DTWD2: variants seen among roughly 807,000 people sequenced by gnomAD.
DTWD2 encodes DTW motif tRNA-uridine aminocarboxypropyltransferase 2.
DTWD2 carries 39 observed loss-of-function variants against 31.8 expected under a neutral mutation model. The observed-to-expected ratio is 1.22, with a 90% CI of 0.95 to 1.60. The LOEUF is 1.60. DTWD2 is among the 40% of genes most tolerant of loss of function. DTWD2 has a pLI of 0.00. For synonymous variants in DTWD2, 180 were observed against 142.8 expected (o/e 1.26, Z -1.86); for missense variants, 515 against 381.5 (o/e 1.35, Z -2.92).
intron 4 of DTWD2, among the ~76,000 whole-genome samples, chr5:118,876,892 C>T (rs1266061896): frequency 6.6e-6 from 1 of 152,294 alleles, no homozygotes; most frequent in Non-Finnish European, 1.5e-5. Flanking sequence ...CCAGCATCAT[C>T]GTGATACCAA....
intron 4 of DTWD2, among the ~76,000 whole-genome samples, chr5:118,861,049 T>C (rs895786242): frequency 1.3e-5 from 2 of 152,188 alleles, no homozygotes; most frequent in African/African-American, 4.8e-5. Context: ...TACACTAGAA[T>C]TGGGCTTTAA....
chr5:118,940,884 G>A (rs1056395795), intron 2 of DTWD2, among the ~76,000 whole-genome samples: 10 of 152,132 alleles, frequency 6.6e-5, no homozygotes, highest in African/African-American at 2.4e-4. Flanking sequence ...AATAAACAGT[G>A]TTTGCATCTT....
At chr5:118,943,072 G>A (rs1010257799) in intron 2 of DTWD2, among the ~76,000 whole-genome samples, 3 of 152,080 alleles carry the variant, frequency 2.0e-5, no homozygotes, top group Non-Finnish European at 4.4e-5. Context: ...CCAAAGTGCT[G>A]GAATTATAAG....
chr5:118,892,060 A>C (rs1752987715), intron 4 of DTWD2, among the ~76,000 whole-genome samples: 1 of 152,190 alleles, frequency 6.6e-6, no homozygotes, highest in Non-Finnish European at 1.5e-5. Flanking sequence ...CCAAAATAAA[A>C]TATTTTAACA....
intron 1 of DTWD2, among the ~76,000 whole-genome samples, chr5:118,948,479 T>G (rs1754388783): frequency 6.6e-6 from 1 of 151,846 alleles, no homozygotes; most frequent in Non-Finnish European, 1.5e-5. Flanking sequence ...AGACTCCATC[T>G]CAAAAAAACA....
chr5:118,852,699 C>G (rs529921058), intron 4 of DTWD2, among the ~76,000 whole-genome samples: 1 of 142,514 alleles, frequency 7.0e-6, no homozygotes, highest in East Asian at 2.2e-4. Flanking sequence ...ATCAATTGAC[C>G]CAGAAATCTC....
At chr5:118,937,780 T>G (rs1311131209) in intron 3 of DTWD2, among the ~76,000 whole-genome samples, 5 of 139,404 alleles carry the variant, frequency 3.6e-5, no homozygotes, top group African/African-American at 7.8e-5. Flanking sequence ...TTGAATCCCC[T>G]GTTGTTTCCA....
chr5:118,848,362 T>C, intron 4 of DTWD2, 144 bp from the exon 5 acceptor site: 2 of 680,724 alleles, frequency 2.9e-6, no homozygotes, highest in Non-Finnish European at 2.3e-6. Context: ...ATGTATAACA[T>C]CCTTTTGTTG....
At chr5:118,903,455 G>A (rs1753260114) in intron 4 of DTWD2, among the ~76,000 whole-genome samples, 1 of 151,914 alleles carries the variant, frequency 6.6e-6, no homozygotes, top group Admixed American at 6.6e-5. Flanking sequence ...CTATAATCTA[G>A]TCAGAATATT....
At chr5:118,882,216 C>G (rs943101894) in intron 4 of DTWD2, among the ~76,000 whole-genome samples, 1 of 152,214 alleles carries the variant, frequency 6.6e-6, no homozygotes, top group Non-Finnish European at 1.5e-5. Flanking sequence ...GTCATTAAAT[C>G]TTAAAGCTCC....
intron 5 of DTWD2, among the ~76,000 whole-genome samples, chr5:118,841,879 C>CA (rs1345157482): frequency 1.3e-5 from 2 of 151,546 alleles, no homozygotes. Context: ...AAAATAACAG[C>CA]AAAAAAACTT....
chr5:118,935,961 A>AAT (rs1426578051), intron 3 of DTWD2, among the ~76,000 whole-genome samples: 1 of 152,194 alleles, frequency 6.6e-6, no homozygotes, highest in Non-Finnish European at 1.5e-5. Context: ...GTGCATATAG[A>AAT]ATATTTACCA....
chr5:118,965,807 C>A (rs936877034), intron 1 of DTWD2, among the ~76,000 whole-genome samples: 16 of 152,062 alleles, frequency 1.1e-4, no homozygotes, highest in Non-Finnish European at 1.9e-4. Context: ...TGCGGAAGGC[C>A]CCAGGGTCCT....
intron 4 of DTWD2, among the ~76,000 whole-genome samples, chr5:118,925,268 A>G (rs1255598606): frequency 1.3e-5 from 2 of 152,228 alleles, no homozygotes; most frequent in Non-Finnish European, 2.9e-5. Context: ...GTCCAAGTAT[A>G]CCAAAAAATA....
chr5:118,928,797 G>T, intron 3 of DTWD2, 68 bp from the exon 4 acceptor site: 1 of 1,276,694 alleles, frequency 7.8e-7, no homozygotes, highest in South Asian at 2.1e-5. Context: ...TATGCTTACT[G>T]AATTTCCTAA....
chr5:118,881,729 T>C (rs545406721), intron 4 of DTWD2, among the ~76,000 whole-genome samples: 2 of 151,980 alleles, frequency 1.3e-5, no homozygotes, highest in African/African-American at 4.8e-5. Context: ...GAGAGCACAA[T>C]AGAAAACTGC....
intron 1 of DTWD2, among the ~76,000 whole-genome samples, chr5:118,976,683 T>C (rs1169077673): frequency 1.3e-5 from 2 of 152,162 alleles, no homozygotes; most frequent in Admixed American, 6.5e-5. Flanking sequence ...AGTTCTGAAA[T>C]TGAGGCAGTA....
chr5:118,893,478 T>C (rs966733362), intron 4 of DTWD2, among the ~76,000 whole-genome samples: 22 of 151,336 alleles, frequency 1.5e-4, no homozygotes, highest in East Asian at 3.9e-4. Context: ...GCCAATGAAA[T>C]TGATTACCCA....
At chr5:118,950,068 G>T (rs1436220248) in intron 1 of DTWD2, among the ~76,000 whole-genome samples, 2 of 151,942 alleles carry the variant, frequency 1.3e-5, no homozygotes, top group Non-Finnish European at 2.9e-5. Flanking sequence ...AAATTAGCTG[G>T]GCATGGTGGC....
Sources: allele counts gnomAD v4.1 joint callset (sites outside exome capture counted in the v4.1 genomes callset), GRCh38; gene constraint gnomAD v4.1.1; transcripts MANE v1.5; gene names NCBI Gene and HGNC (gene_info 2026-07-23, HGNC 2026-07-21).